The following RPS6KC1 variants were observed in gnomAD, a reference collection of about 807,000 sequenced individuals.
The protein encoded by RPS6KC1 is inactive ribosomal protein S6 kinase delta-1.
RPS6KC1 carries 54 observed loss-of-function variants against 103.8 expected under a neutral mutation model. The ratio of observed to expected loss-of-function variants is 0.52; its 90% CI spans 0.42 to 0.65. The LOEUF (loss-of-function observed/expected upper bound fraction) is 0.65, where lower values mean the gene tolerates loss of function less well. Ranked by LOEUF, RPS6KC1 falls within the 30% of genes least tolerant of loss-of-function variation. The pLI is 0.00. For synonymous variants in RPS6KC1, 439 were observed against 438.7 expected (o/e 1.00, Z -0.01); for missense variants, 1,151 against 1,253.8 (o/e 0.92, Z 1.24).
At chr1:213,204,975 C>A (rs927115545) in intron 8 of RPS6KC1, among the ~76,000 whole-genome samples, 13 of 151,972 alleles carry the variant, frequency 8.6e-5, no homozygotes, top group African/African-American at 3.1e-4. Flanking sequence ...TTTAAAAGTA[C>A]CCTAGCATTT....
the RPS6KC1 span, among the ~76,000 whole-genome samples, chr1:213,576,735 G>A: frequency 4.6e-5 from 7 of 152,168 alleles, no homozygotes; most frequent in Non-Finnish European, 1.0e-4. Context: ...TCAAGTGAAA[G>A]GCAGAGTTGC....
intron 14 of RPS6KC1, among the ~76,000 whole-genome samples, chr1:213,268,415 T>C (rs2094960515): frequency 1.3e-5 from 2 of 151,572 alleles, no homozygotes. Context: ...TTACAAGAAA[T>C]ACCACAGGAA....
chr1:213,726,250 T>C, the RPS6KC1 span, among the ~76,000 whole-genome samples: 2 of 152,200 alleles, frequency 1.3e-5, no homozygotes, highest in African/African-American at 2.4e-5. Context: ...TACATCTGGC[T>C]AATTTTTAAT....
At chr1:213,697,385 C>T in the RPS6KC1 span, among the ~76,000 whole-genome samples, 6 of 152,178 alleles carry the variant, frequency 3.9e-5, no homozygotes, top group African/African-American at 1.4e-4. Flanking sequence ...ACAGATGTAC[C>T]CACTCAGCTT....
chr1:213,454,661 T>C, the RPS6KC1 span, among the ~76,000 whole-genome samples: 1 of 152,214 alleles, frequency 6.6e-6, no homozygotes, highest in African/African-American at 2.4e-5. Context: ...AGAAGCAACT[T>C]ATAGGGAGGC....
At chr1:213,563,275 A>G in the RPS6KC1 span, among the ~76,000 whole-genome samples, 1 of 152,056 alleles carries the variant, frequency 6.6e-6, no homozygotes, top group Non-Finnish European at 1.5e-5. Flanking sequence ...TGGTGACATC[A>G]AGTTTCTATC....
chr1:213,857,879 G>A, the RPS6KC1 span, among the ~76,000 whole-genome samples: 172 of 152,312 alleles, frequency 1.1e-3, no homozygotes, highest in African/African-American at 4.0e-3. Flanking sequence ...CCCAGGGACA[G>A]GCCATCAGTC....
the RPS6KC1 span, among the ~76,000 whole-genome samples, chr1:213,446,237 G>A: frequency 3.0e-3 from 452 of 152,300 alleles, 9 homozygotes; most frequent in Admixed American, 0.025. Context: ...TGACTTGCTT[G>A]CTTTCGTACA....
chr1:213,835,947 G>C, the RPS6KC1 span: 546 of 152,064 alleles, frequency 3.6e-3, 6 homozygotes, highest in African/African-American at 0.013. Flanking sequence ...TGTTTTGCCA[G>C]GTTCCTCATT....
intron 4 of RPS6KC1, among the ~76,000 whole-genome samples, chr1:213,111,879 A>G (rs76798379): frequency 0.015 from 2,244 of 152,328 alleles, 50 homozygotes; most frequent in African/African-American, 0.046. Context: ...TAGAATAGAT[A>G]TTCTTTTTGG....
At chr1:213,637,762 A>G in the RPS6KC1 span, among the ~76,000 whole-genome samples, 4 of 151,984 alleles carry the variant, frequency 2.6e-5, no homozygotes, top group African/African-American at 9.7e-5. Flanking sequence ...AGTACTTTTT[A>G]TTTTAGCCAT....
the RPS6KC1 span, among the ~76,000 whole-genome samples, chr1:213,791,484 A>G: frequency 1.3e-5 from 2 of 152,292 alleles, no homozygotes; most frequent in African/African-American, 2.4e-5. Context: ...CTAAACAGCC[A>G]TTAGTCTGTT....
the RPS6KC1 span, among the ~76,000 whole-genome samples, chr1:213,477,857 A>G: frequency 1.3e-5 from 2 of 152,124 alleles, no homozygotes; most frequent in South Asian, 2.1e-4. Flanking sequence ...TTTATAATCA[A>G]TGGGTTAATA....
intron 5 of RPS6KC1, among the ~76,000 whole-genome samples, chr1:213,127,424 G>A (rs376901091): frequency 3.3e-5 from 5 of 152,236 alleles, no homozygotes; most frequent in South Asian, 4.1e-4. Context: ...TTAATATGCT[G>A]TGTGAAAAAA....
chr1:213,578,775 A>G, the RPS6KC1 span, among the ~76,000 whole-genome samples: 4 of 152,072 alleles, frequency 2.6e-5, no homozygotes, highest in African/African-American at 9.7e-5. Context: ...TTTTGATTTT[A>G]CAGGCTCACG....
chr1:213,616,225 T>A, the RPS6KC1 span, among the ~76,000 whole-genome samples: 3 of 152,214 alleles, frequency 2.0e-5, no homozygotes, highest in Non-Finnish European at 4.4e-5. Context: ...TGTAAGCAAA[T>A]GCTGCGCTAA....
intron 6 of RPS6KC1, among the ~76,000 whole-genome samples, chr1:213,152,318 G>A (rs1359413123): frequency 2.0e-4 from 30 of 149,028 alleles, no homozygotes; most frequent in Admixed American, 8.6e-4. Context: ...GCGGCTGGCC[G>A]GGCAGGGGGC....
At chr1:213,633,065 CG>C in the RPS6KC1 span, among the ~76,000 whole-genome samples, 1 of 152,160 alleles carries the variant, frequency 6.6e-6, no homozygotes, top group Non-Finnish European at 1.5e-5. Context: ...ACAAAATCTA[CG>C]TTTGATTGGT....
chr1:213,849,163 G>C, the RPS6KC1 span, among the ~76,000 whole-genome samples: 1 of 152,174 alleles, frequency 6.6e-6, no homozygotes. Flanking sequence ...AACACTCCAA[G>C]CAGCTGCTAA....
Sources: allele counts gnomAD v4.1 joint callset (sites outside exome capture counted in the v4.1 genomes callset), GRCh38; gene constraint gnomAD v4.1.1; transcripts MANE v1.5; gene names NCBI Gene and HGNC (gene_info 2026-07-23, HGNC 2026-07-21).